KCNH1: variants seen among roughly 807,000 people sequenced by gnomAD.
The protein encoded by KCNH1 is potassium voltage-gated channel subfamily H member 1.
In KCNH1, 27 loss-of-function variants were observed where a neutral mutation model predicts 69.2. The observed-to-expected ratio is 0.39, with a 90% CI of 0.29 to 0.54. KCNH1 has a LOEUF of 0.54. Ranked by LOEUF, KCNH1 falls within the 20% of genes least tolerant of loss-of-function variation. The pLI is 0.68. For missense variants in KCNH1, 798 were observed against 1,261.6 expected, an observed-to-expected ratio of 0.63 and a Z score of 5.57; for synonymous variants, 456 against 487.7, an observed-to-expected ratio of 0.93 and a Z score of 0.86.
intron 5 of KCNH1, among the ~76,000 whole-genome samples, chr1:211,057,144 A>C (rs1410706016): frequency 6.6e-6 from 1 of 152,220 alleles, no homozygotes; most frequent in Non-Finnish European, 1.5e-5. Context: ...ATAGAGAAAG[A>C]ATTTAGAATT....
At chr1:210,873,623 C>T (rs891925163) in intron 7 of KCNH1, among the ~76,000 whole-genome samples, 1 of 152,142 alleles carries the variant, frequency 6.6e-6, no homozygotes, top group Non-Finnish European at 1.5e-5. Context: ...ACTCAGCCCC[C>T]CAAAGTTCTG....
At chr1:211,093,002 G>A (rs1691080761) in intron 3 of KCNH1, among the ~76,000 whole-genome samples, 1 of 152,006 alleles carries the variant, frequency 6.6e-6, no homozygotes, top group African/African-American at 2.4e-5. Flanking sequence ...TTTGACAGAT[G>A]TATTACTAAT....
chr1:211,076,938 A>G (rs1036707680), intron 5 of KCNH1, among the ~76,000 whole-genome samples: 3 of 152,256 alleles, frequency 2.0e-5, no homozygotes, highest in African/African-American at 7.2e-5. Context: ...GCTGAAAACC[A>G]TGGCACAAGA....
At chr1:210,904,911 A>C (rs1275375592) in intron 7 of KCNH1, among the ~76,000 whole-genome samples, 1 of 152,184 alleles carries the variant, frequency 6.6e-6, no homozygotes, top group Non-Finnish European at 1.5e-5. Flanking sequence ...GAACTTTTCA[A>C]AGCCACATAG....
intron 10 of KCNH1, among the ~76,000 whole-genome samples, chr1:210,734,983 C>G (rs1477265840): frequency 6.6e-6 from 1 of 152,202 alleles, no homozygotes; most frequent in Non-Finnish European, 1.5e-5. Flanking sequence ...CAACTGGCCA[C>G]TACCTGACTC....
chr1:210,747,885 T>TA (rs961044028), intron 10 of KCNH1, among the ~76,000 whole-genome samples: 19 of 152,182 alleles, frequency 1.2e-4, no homozygotes, highest in African/African-American at 3.4e-4. Context: ...AATAAATACA[T>TA]AAAAAAATCA....
intron 8 of KCNH1, among the ~76,000 whole-genome samples, 183 bp from the exon 9 acceptor site, chr1:210,797,943 G>A (rs538894388): frequency 2.0e-4 from 31 of 152,150 alleles, no homozygotes; most frequent in African/African-American, 7.2e-4. Context: ...AAAAAAATCT[G>A]TGCTGAATGT....
intron 7 of KCNH1, among the ~76,000 whole-genome samples, chr1:210,825,011 C>T (rs944245135): frequency 2.0e-5 from 3 of 152,172 alleles, no homozygotes; most frequent in South Asian, 2.1e-4. Flanking sequence ...ATTGAACTCA[C>T]AGTGGCAGAT....
chr1:210,717,211 G>T (rs1000211850), intron 10 of KCNH1, among the ~76,000 whole-genome samples: 1 of 152,162 alleles, frequency 6.6e-6, no homozygotes, highest in Non-Finnish European at 1.5e-5. Flanking sequence ...CTCAGCTAGA[G>T]CCTGGGGCAA....
At chr1:210,738,621 G>A (rs60406489) in intron 10 of KCNH1, among the ~76,000 whole-genome samples, 13,800 of 133,746 alleles carry the variant, frequency 0.1, 900 homozygotes, top group African/African-American at 0.21. Flanking sequence ...CTCCGGTGCC[G>A]TGGCACAATC....
chr1:210,801,328 G>C (rs970415814), intron 8 of KCNH1, among the ~76,000 whole-genome samples: 2 of 152,180 alleles, frequency 1.3e-5, no homozygotes, highest in African/African-American at 2.4e-5. Context: ...GACCTAGATT[G>C]GAGGGGAGGG....
chr1:211,133,794 G>C lies in KCNH1; in HGVS notation c.79+73C>G. 2.2e-6 allele frequency: 3 copies of C among 1,390,288 alleles called. No homozygotes were observed. Among genetic ancestry groups the C allele is most frequent in the Non-Finnish European group, 3.0e-6 (3 of 988,150 alleles). The allele number at this position is 1,390,288 out of a possible 1,614,324, so 86.1% of individuals were successfully genotyped here. A position where few individuals can be genotyped will look rare whatever the true frequency, so the allele number is the denominator to read the frequency against. On this transcript the variant is annotated intron_variant, in intron 1 of 10. Transcript: ENST00000271751. The surrounding 1 kb of genome is among the most constrained non-coding windows in gnomAD (Gnocchi z 5.4). ...GGGTTCTGCTGCATCTGCTGGCTCC[G>C]AGCGGCGAGAGGTTCTGCAATAAAG... is the stretch of plus-strand genomic sequence containing the variant.
chr1:211,097,688 G>A (rs917802485), intron 3 of KCNH1, among the ~76,000 whole-genome samples: 3 of 152,152 alleles, frequency 2.0e-5, no homozygotes, highest in Non-Finnish European at 4.4e-5. Flanking sequence ...GTGACCCACC[G>A]GGTCTGGCAT....
intron 6 of KCNH1, among the ~76,000 whole-genome samples, chr1:210,964,996 A>G (rs952609916): frequency 1.3e-5 from 2 of 152,182 alleles, no homozygotes; most frequent in African/African-American, 4.8e-5. Context: ...AATGACAAAA[A>G]CCACATGATT....
intron 10 of KCNH1, among the ~76,000 whole-genome samples, chr1:210,749,742 C>CTT (rs34174582): frequency 0.056 from 7,315 of 130,444 alleles, 463 homozygotes; most frequent in East Asian, 0.15. Flanking sequence ...AGGCTGCTCA[C>CTT]TTTTTTTTTT....
rs371344615 is a variant in KCNH1 at position 211,056,905 on chromosome 1, T to G, written c.558+25875A>C. 3.4e-4 allele frequency among the ~76,000 whole-genome samples: 52 copies of G among 152,258 alleles called. 1 individual carries two copies. In the South Asian group the frequency reaches 0.01, roughly 30 times the overall value. On this transcript the variant is annotated intron_variant, in intron 5 of 10. Transcript: ENST00000271751. ...AAACACCCAAATCCCTTTGAATACA[T>G]GGAAAGCCCTCCCAAGAAAGATGGG... is the stretch of plus-strand genomic sequence containing the variant.
chr1:210,713,108 C>A (rs1682119456), intron 10 of KCNH1, among the ~76,000 whole-genome samples: 1 of 152,144 alleles, frequency 6.6e-6, no homozygotes, highest in Admixed American at 6.5e-5. Flanking sequence ...AAAAGTTTTT[C>A]TTCTCTACCT....
intron 5 of KCNH1, among the ~76,000 whole-genome samples, chr1:211,040,564 G>A (rs76523968): frequency 0.046 from 7,013 of 152,212 alleles, 247 homozygotes; most frequent in Non-Finnish European, 0.066. Flanking sequence ...CTGTAAGTCT[G>A]ATTAAATCTC....
chr1:210,873,097 C>G (rs1686286988), intron 7 of KCNH1, among the ~76,000 whole-genome samples: 3 of 152,190 alleles, frequency 2.0e-5, no homozygotes, highest in Admixed American at 2.0e-4. Context: ...ACCATGACCA[C>G]TGAACTATCA....
Sources: gnomAD v4.1 joint callset for allele counts (sites outside exome capture counted in the v4.1 genomes callset) on GRCh38, gnomAD v4.1.1 for gene constraint, Gnocchi (gnomAD v3.1) non-coding constraint, MANE v1.5 for transcripts, NCBI Gene and HGNC (gene_info 2026-07-23, HGNC 2026-07-21) for gene names.